The following ANXA11 variants were observed in gnomAD, a reference collection of about 807,000 sequenced individuals.
ANXA11 encodes the protein 56 kDa autoantigen.
In ANXA11, 57 loss-of-function variants were observed where a neutral mutation model predicts 64.7. That is an observed-to-expected ratio of 0.88 (90% CI 0.71 to 1.10). The LOEUF (loss-of-function observed/expected upper bound fraction) is 1.10. ANXA11 is among the 50% of genes least tolerant of loss of function. The pLI, the probability that ANXA11 is intolerant of heterozygous loss-of-function variation, is 0.00. For missense variants in ANXA11, 675 were observed against 670.7 expected, an observed-to-expected ratio of 1.01 and a Z score of -0.07; for synonymous variants, 260 against 265.2, an observed-to-expected ratio of 0.98 and a Z score of 0.19.
chr10:80,165,834 AG>A (rs995146263), intron 8 of ANXA11, among the ~76,000 whole-genome samples: 1 of 152,194 alleles, frequency 6.6e-6, no homozygotes, highest in African/African-American at 2.4e-5. Flanking sequence ...GAGAGACTTA[AG>A]CCTCCCTGAT....
intron 2 of ANXA11, among the ~76,000 whole-genome samples, chr10:80,175,797 C>T (rs1228405471): frequency 6.6e-6 from 1 of 152,188 alleles, no homozygotes; most frequent in South Asian, 2.1e-4. Flanking sequence ...TGGCTCATGC[C>T]TGTAATCCCA....
chr10:80,179,120 G>A (rs1846270885), intron 1 of ANXA11, among the ~76,000 whole-genome samples: 1 of 152,170 alleles, frequency 6.6e-6, no homozygotes, highest in African/African-American at 2.4e-5. Context: ...GATCATGGGG[G>A]CAGATTTCCC....
At chr10:80,189,535 G>A (rs537013303) in intron 1 of ANXA11, among the ~76,000 whole-genome samples, 69 of 152,322 alleles carry the variant, frequency 4.5e-4, no homozygotes, top group Non-Finnish European at 8.4e-4. Context: ...TGGGCATACA[G>A]GCCGAGTACC....
At chr10:80,169,750 G>T (rs946532654) in intron 4 of ANXA11, among the ~76,000 whole-genome samples, 1 of 152,176 alleles carries the variant, frequency 6.6e-6, no homozygotes, top group Non-Finnish European at 1.5e-5. Flanking sequence ...TGGCAGGCAT[G>T]TTCAGGTGAA....
intron 1 of ANXA11, among the ~76,000 whole-genome samples, chr10:80,201,712 C>T (rs1398638817): frequency 3.9e-5 from 6 of 152,140 alleles, no homozygotes; most frequent in East Asian, 1.9e-4. Flanking sequence ...TAAAAATAGC[C>T]GTGACCTTTT....
chr10:80,189,043 C>T (rs1323685929), intron 1 of ANXA11, among the ~76,000 whole-genome samples: 3 of 152,118 alleles, frequency 2.0e-5, no homozygotes, highest in Admixed American at 6.5e-5. Flanking sequence ...AAGACATCCC[C>T]GGTACCTGTG....
rs1260987592 is a variant in ANXA11 at position 80,176,103 on chromosome 10, A to G, written c.-9+4T>C. ...CAAAGATATCAAAACTTAAAATGAC[A>G]TACCTTTGACTCAGCAACTCCACTT... On this transcript the variant is annotated splice_donor_region_variant and intron_variant, in intron 2 of 15. Coordinates refer to ENST00000422982, the MANE Select transcript of ANXA11 (RefSeq NM_145868.2). 1.3e-5 allele frequency: 2 copies of G among 152,188 alleles called. No individual in the cohort carries two copies. The highest frequency in any genetic ancestry group is 2.9e-5 in the Non-Finnish European group (2 of 68,036). 9.4% of individuals were successfully genotyped at this position (152,188 alleles called of 1,614,324 possible). A position where few individuals can be genotyped will look rare whatever the true frequency, so the allele number is the denominator to read the frequency against.
chr10:80,182,116 C>T (rs1376507507), intron 1 of ANXA11, among the ~76,000 whole-genome samples: 1 of 151,380 alleles, frequency 6.6e-6, no homozygotes, highest in Admixed American at 6.6e-5. Flanking sequence ...GAGTAGTTGC[C>T]AGAGGTCAGG....
At position 80,175,898 on chromosome 10, in the gene ANXA11, AC is replaced by A. The variant is rs1269799069; in HGVS notation, c.-9+208del. Reference sequence around the variant, plus strand: ...GTGAAACACTGTCTCTACTAAAAATACAAAAATTAGCCAGGCGTGGTGGTGG... The same window carrying A: ...GTGAAACACTGTCTCTACTAAAAATAAAAAATTAGCCAGGCGTGGTGGTGG... On this transcript the variant is annotated intron_variant, in intron 2 of 15. Coordinates refer to ENST00000422982, the MANE Select transcript of ANXA11 (RefSeq NM_145868.2). Among the ~76,000 whole-genome samples, 16 of 152,298 alleles carry A rather than the reference AC, an allele frequency of 1.1e-4. No individual in the cohort carries two copies. The East Asian group carries it at 2.7e-3, about 26-fold the overall frequency.
At chr10:80,166,032 A>ACTCATGCGCGCGTGCG in intron 8 of ANXA11, 52 bp downstream of exon 8, 1 of 964,356 alleles carries the variant, frequency 1.0e-6, no homozygotes. Context: ...GCGCGTGCGC[A>ACTCATGCGCGCGTGCG]CACACGCGCG....
chr10:80,171,038 G>A (rs1256334227), intron 3 of ANXA11, 123 bp from the exon 4 acceptor site: 13 of 1,523,616 alleles, frequency 8.5e-6, no homozygotes, highest in Middle Eastern at 1.7e-4. Context: ...CTCGAGCCTC[G>A]GGACACCACA....
chr10:80,185,467 T>C (rs1175778860), intron 1 of ANXA11, among the ~76,000 whole-genome samples: 1 of 152,240 alleles, frequency 6.6e-6, no homozygotes, highest in Non-Finnish European at 1.5e-5. Flanking sequence ...AGTTATGTAC[T>C]ATAACTACAC....
At position 80,164,132 on chromosome 10, in the gene ANXA11, A is replaced by C; in HGVS notation, c.870T>G (p.Thr290=). 1 of 1,614,052 alleles carries C rather than the reference A, an allele frequency of 6.2e-7. No individual in the cohort carries two copies. Among genetic ancestry groups the C allele is most frequent in the Non-Finnish European group, 8.5e-7 (1 of 1,179,912 alleles). The change falls in exon 9 of 16, where the codon ACT becomes ACG. Residue 290 remains threonine, a synonymous_variant. Coordinates refer to ENST00000422982, the MANE Select transcript of ANXA11 (RefSeq NM_145868.2). Reference sequence around the variant, plus strand: ...GGATCTCAATCAGGCAGGCTTCATCAGTGCCAACCCCCTGCAGGGGCAGAG... The same window carrying C: ...GGATCTCAATCAGGCAGGCTTCATCCGTGCCAACCCCCTGCAGGGGCAGAG... The part of the protein sequence containing the change: ...EIKEAIKGVG[T]DEACLIEILA...
intron 8 of ANXA11, among the ~76,000 whole-genome samples, chr10:80,165,345 C>T (rs1259624006): frequency 1.3e-5 from 2 of 152,180 alleles, no homozygotes; most frequent in Non-Finnish European, 2.9e-5. Context: ...AGCTGCCTGC[C>T]CCTGCCTGCA....
chr10:80,178,656 T>C (rs1846255097), intron 1 of ANXA11, among the ~76,000 whole-genome samples: 1 of 152,196 alleles, frequency 6.6e-6, no homozygotes, highest in South Asian at 2.1e-4. Context: ...AAAACACAGA[T>C]TGCTGGGCCC....
At chr10:80,204,091 G>GC (rs1461357346) in intron 1 of ANXA11, among the ~76,000 whole-genome samples, 1 of 152,216 alleles carries the variant, frequency 6.6e-6, no homozygotes, top group African/African-American at 2.4e-5. Context: ...AATCTCACAA[G>GC]CCTGTGAGGC....
At chr10:80,182,236 G>A (rs1462648872) in intron 1 of ANXA11, among the ~76,000 whole-genome samples, 3 of 151,688 alleles carry the variant, frequency 2.0e-5, no homozygotes, top group African/African-American at 7.3e-5. Context: ...CAGGGGGACA[G>A]GGAAACTCTG....
intron 1 of ANXA11, among the ~76,000 whole-genome samples, chr10:80,193,122 G>T (rs976224131): frequency 7.2e-5 from 11 of 152,098 alleles, no homozygotes; most frequent in African/African-American, 2.7e-4. Flanking sequence ...AGGAGGGAAA[G>T]CATCCACCTG....
At chr10:80,196,656 C>T (rs1364011122) in intron 1 of ANXA11, among the ~76,000 whole-genome samples, 4 of 152,300 alleles carry the variant, frequency 2.6e-5, no homozygotes, top group Middle Eastern at 6.8e-3. Context: ...CCTTGCTGGT[C>T]ACAGGTGCCA....
Sources: gnomAD v4.1 joint callset for allele counts (sites outside exome capture counted in the v4.1 genomes callset) on GRCh38, gnomAD v4.1.1 for gene constraint, MANE v1.5 for transcripts, NCBI Gene and HGNC (gene_info 2026-07-23, HGNC 2026-07-21) for gene names.